MIA3: variants seen among roughly 807,000 people sequenced by gnomAD.
MIA3 encodes MIA SH3 domain ER export factor 3, also known as transport and Golgi organization protein 1 homolog.
A neutral mutation model predicts 192.4 loss-of-function variants in MIA3; 90 were observed. That is an observed-to-expected ratio of 0.47 (90% CI 0.39 to 0.56). The LOEUF is 0.56. Among genes scored for constraint, MIA3 ranks in the 20% least tolerant of loss-of-function variants. MIA3 has a pLI of 0.00. For missense variants in MIA3, 2,123 were observed against 2,269.4 expected, an observed-to-expected ratio of 0.94 and a Z score of 1.31; for synonymous variants, 740 against 792.8, an observed-to-expected ratio of 0.93 and a Z score of 1.12.
At chr1:222,647,909 T>G (rs1361386093) in intron 7 of MIA3, 1 of 377,702 alleles carries the variant, frequency 2.6e-6, no homozygotes, top group African/African-American at 2.1e-5. Context: ...GGAATTATTA[T>G]GTATACAGTA....
intron 2 of MIA3, among the ~76,000 whole-genome samples, chr1:222,623,207 G>A (rs975132806): frequency 1.3e-5 from 2 of 151,844 alleles, no homozygotes; most frequent in Admixed American, 6.6e-5. Flanking sequence ...ACAGTACCTT[G>A]GCAGAAATGA....
intron 18 of MIA3, among the ~76,000 whole-genome samples, chr1:222,655,645 C>T (rs1663678587): frequency 6.6e-6 from 1 of 152,138 alleles, no homozygotes; most frequent in African/African-American, 2.4e-5. Flanking sequence ...TTAGATTTTC[C>T]AGGTTTTGTT....
Position 222,650,279 on chromosome 1 carries a change from TTTC to T in MIA3, c.3632-10_3632-8del. 2 of 1,499,092 alleles carry T rather than the reference TTTC, an allele frequency of 1.3e-6. No homozygotes were observed. The highest frequency in any genetic ancestry group is 1.9e-6 in the Non-Finnish European group (2 of 1,079,840). The allele number at this position is 1,499,092 out of a possible 1,614,324, so 92.9% of individuals were successfully genotyped here. A position where few individuals can be genotyped will look rare whatever the true frequency, so the allele number is the denominator to read the frequency against. ...GTGATCATAATAACCTTATTATTTT[TTTC>T]TTTTTTCAGTCACGGAACAGCAAAT... On this transcript the variant is annotated splice_polypyrimidine_tract_variant and intron_variant, in intron 8 of 27. Coordinates refer to ENST00000344922, the MANE Select transcript of MIA3 (RefSeq NM_198551.4).
At chr1:222,659,872 ACT>A (rs773685862) in intron 22 of MIA3, 32 bp from the exon 23 acceptor site, 9 of 1,601,486 alleles carry the variant, frequency 5.6e-6, no homozygotes, top group Non-Finnish European at 7.7e-6. Flanking sequence ...TTCATATTTA[ACT>A]CTTTCTTAAA....
Position 222,629,024 on chromosome 1 carries a change from A to T in MIA3, c.1804A>T (p.Asn602Tyr), listed in dbSNP as rs1662263272. Residue 602 changes from asparagine (N) to tyrosine (Y), a missense_variant, in exon 4 of 28, where the codon AAT becomes TAT. Physicochemically the swap from Asn to Tyr is moderately radical, Grantham distance 143. This residue lies in a region of MIA3 where 1,357 missense variants were observed against 1,396.1 expected (regional missense o/e 0.97). Coordinates refer to ENST00000344922, the MANE Select transcript of MIA3 (RefSeq NM_198551.4). The stretch of plus-strand genomic sequence containing the variant: ...CAGTGTGGAGGGAGACGCTTTGGTA[A>T]ATGGGGCCAAACTGCACACGCTTTC... ...RDSVEGDALV[N>Y]GAKLHTLSVE... 1.9e-6 allele frequency: 3 copies of T among 1,614,172 alleles called. No homozygotes were observed. Among genetic ancestry groups the T allele is most frequent in the Non-Finnish European group, 2.5e-6 (3 of 1,180,042 alleles).
rs200522371 is a variant in MIA3, at chr1:222,627,645, G to A, written c.425G>A (p.Gly142Glu). ...AATTATAATGTAGAAGAACTTTTAG[G>A]GTTTTTGGAACTGTACAATTCTGCA... ...FHNYNVEELL[G>E]FLELYNSAAT... Residue 142 changes from glycine (G) to glutamate (E), a missense_variant, in exon 4 of 28, where the codon GGG (glycine) becomes GAG (glutamate). By Grantham distance (98) the Gly-to-Glu change is moderately conservative. Around this residue, in one of 3 missense-constraint regions of MIA3, gnomAD observed 1,357 missense variants for 1,396.1 expected, o/e 0.97. Coordinates refer to ENST00000344922, the MANE Select transcript of MIA3 (RefSeq NM_198551.4). 508 of 1,596,908 alleles carry A rather than the reference G, an allele frequency of 3.2e-4. 1 individual carries two copies. The highest frequency in any genetic ancestry group is 8.2e-4 in the Admixed American group (45 of 54,962).
At position 222,624,991 on chromosome 1, in the gene MIA3, T is replaced by C. The variant is rs1662043269; in HGVS notation, c.354+137T>C. The C allele has an allele frequency of 5.7e-6, 3 of 523,462 alleles. No homozygotes were observed. The East Asian group carries it at 1.0e-4, about 18-fold the overall frequency. 32.4% of individuals were successfully genotyped at this position (523,462 alleles called of 1,614,324 possible). A position where few individuals can be genotyped will look rare whatever the true frequency, so the allele number is the denominator to read the frequency against. ...TAGTTATCTAATATATGGAAATAGA[T>C]GTTCTTATATAAGGCTATGTACTCT... is the stretch of plus-strand genomic sequence containing the variant. On this transcript the variant is annotated intron_variant, in intron 3 of 27. Transcript: ENST00000344922.
Position 222,629,477 on chromosome 1 carries a change from C to A in MIA3, c.2257C>A (p.Gln753Lys), listed in dbSNP as rs1182750031. Residue 753 changes from glutamine (Q) to lysine (K), a missense_variant, in exon 4 of 28, where the codon CAG becomes AAG. Physicochemically the swap from Gln to Lys is moderately conservative, Grantham distance 53 (BLOSUM62 1). Transcript: ENST00000344922. ...AAAAAACCCTGGGAATCAGGGCAGG[C>A]AGTTTGATGTTAATCTGCAAGTCCC... ...KEKNPGNQGR[Q>K]FDVNLQVPDR... 1 of 1,614,076 alleles carries A rather than the reference C, an allele frequency of 6.2e-7. No individual in the cohort carries two copies. Among genetic ancestry groups the A allele is most frequent in the Non-Finnish European group, 8.5e-7 (1 of 1,180,022 alleles).
intron 27 of MIA3, among the ~76,000 whole-genome samples, 181 bp downstream of exon 27, chr1:222,664,329 T>A (rs1427168427): frequency 5.3e-5 from 8 of 152,218 alleles, no homozygotes; most frequent in Non-Finnish European, 8.8e-5. Context: ...CTCCTGTGAT[T>A]AGATGGGCAA....
In MIA3 at chr1:222,618,109, A is replaced by G. The variant is rs769599891; in HGVS notation, c.-2A>G. 28 of 1,480,874 alleles carry G rather than the reference A, an allele frequency of 1.9e-5. No homozygotes were observed. The South Asian group carries it at 2.9e-4, about 15-fold the overall frequency. 91.7% of individuals were successfully genotyped at this position (1,480,874 alleles called of 1,614,324 possible). A position where few individuals can be genotyped will look rare whatever the true frequency, so the allele number is the denominator to read the frequency against. ...TCACCGGCTCCCCGAGGTGACCACAACATGGCTGCGGCGCCTGGGCTGCTC... is the reference window on the plus strand; with the variant it reads ...TCACCGGCTCCCCGAGGTGACCACAGCATGGCTGCGGCGCCTGGGCTGCTC... On this transcript the variant is annotated 5_prime_UTR_variant, in exon 1 of 28. Transcript: ENST00000344922.
At position 222,654,686 on chromosome 1, in the gene MIA3, C is replaced by T; in HGVS notation, c.4500C>T (p.Asn1500=). 1 of 1,614,090 alleles carries T rather than the reference C, an allele frequency of 6.2e-7. No homozygotes were observed. The part of the protein sequence containing the change: ...DQVKKLEDDR[N]SLQAAKAGLE... ...TAAAGAAATTGGAAGATGACCGCAA[C>T]TCACTACAAGCTGCCAAAGCTGGAC... The change falls in exon 18 of 28, where the codon AAC becomes AAT. Residue 1500 remains asparagine, a synonymous_variant. Coordinates refer to ENST00000344922, the MANE Select transcript of MIA3 (RefSeq NM_198551.4).
chr1:222,662,525 T>C, intron 26 of MIA3, 193 bp downstream of exon 26: 1 of 1,384,596 alleles, frequency 7.2e-7, no homozygotes, highest in Admixed American at 2.9e-5. Flanking sequence ...GAGCGTCCAG[T>C]AGCAGTAAGT....
chr1:222,664,611 G>A (rs1664186496), intron 27 of MIA3, among the ~76,000 whole-genome samples: 1 of 152,152 alleles, frequency 6.6e-6, no homozygotes, highest in Non-Finnish European at 1.5e-5. Flanking sequence ...ACAAAGAAGG[G>A]AGATATGAAA....
chr1:222,639,396 A>G (rs1203956326), intron 6 of MIA3, among the ~76,000 whole-genome samples: 1 of 152,188 alleles, frequency 6.6e-6, no homozygotes, highest in Non-Finnish European at 1.5e-5. Context: ...AGCTGATGTT[A>G]CCAGGATATC....
rs770655811 is a variant in MIA3, at chr1:222,629,263, A to C, written c.2043A>C (p.Glu681Asp). The change falls in exon 4 of 28, where the codon GAA becomes GAC. Residue 681 changes from glutamate to aspartate, a missense_variant. Transcript: ENST00000344922. Reference sequence around the variant, plus strand: ...AGAAGATAAGGCTCTCTGAGGGAGAAGCCAAAGAGGACTCCTTGGATGAAG... The same window carrying C: ...AGAAGATAAGGCTCTCTGAGGGAGACGCCAAAGAGGACTCCTTGGATGAAG... ...MSEKIRLSEGEAKEDSLDEEF... is the reference protein window; with the variant it reads ...MSEKIRLSEGDAKEDSLDEEF... The C allele has an allele frequency of 6.2e-7, 1 of 1,614,226 alleles. No homozygotes were observed. Among genetic ancestry groups the C allele is most frequent in the Non-Finnish European group, 8.5e-7 (1 of 1,180,040 alleles).
chr1:222,660,365 T>A, intron 24 of MIA3, 51 bp downstream of exon 24: 3 of 1,553,150 alleles, frequency 1.9e-6, no homozygotes, highest in Non-Finnish European at 1.7e-6. Flanking sequence ...GCTTTTTCCC[T>A]TTTATTTGAG....
intron 5 of MIA3, 26 bp downstream of exon 5, chr1:222,632,352 A>G (rs1163573963): frequency 1.3e-6 from 2 of 1,597,432 alleles, no homozygotes; most frequent in Admixed American, 1.8e-5. Flanking sequence ...TTTTTTCTAC[A>G]AAGTGGAGAA....
Position 222,654,394 on chromosome 1 carries a change from G to T in MIA3, c.4383G>T (p.Gln1461His). The T allele has an allele frequency of 6.2e-7, 1 of 1,613,674 alleles. No individual in the cohort carries two copies. Among genetic ancestry groups the T allele is most frequent in the South Asian group, 1.1e-5 (1 of 91,058 alleles). Reference protein sequence around the residue: ...IKQMMDVSRTQTAISVVEEDL... With the variant: ...IKQMMDVSRTHTAISVVEEDL... Reference sequence around the variant, plus strand: ...GTCTCTTCTGCAATTTTTAGACACAGACTGCAATATCGGTAGTTGAAGAGG... The same window carrying T: ...GTCTCTTCTGCAATTTTTAGACACATACTGCAATATCGGTAGTTGAAGAGG... Residue 1461 changes from glutamine (Q) to histidine (H), a missense_variant, in exon 17 of 28, where the codon CAG becomes CAT. By Grantham distance (24) the Gln-to-His change is conservative. Around this residue, in one of 3 missense-constraint regions of MIA3, gnomAD observed 762 missense variants for 856.4 expected, o/e 0.89. Coordinates refer to ENST00000344922, the MANE Select transcript of MIA3 (RefSeq NM_198551.4).
In MIA3 at chr1:222,629,012, G is replaced by A. The variant is rs563113582; in HGVS notation, c.1792G>A (p.Asp598Asn). The A allele has an allele frequency of 4.3e-6, 7 of 1,614,244 alleles. No homozygotes were observed. In the East Asian group the frequency reaches 1.3e-4, roughly 31 times the overall value. Residue 598 changes from aspartate (D) to asparagine (N), a missense_variant, in exon 4 of 28, where the codon GAC becomes AAC. Coordinates refer to ENST00000344922, the MANE Select transcript of MIA3 (RefSeq NM_198551.4). ...PNASRDSVEG[D>N]ALVNGAKLHT... ...CGCATCCAGAGACAGTGTGGAGGGA[G>A]ACGCTTTGGTAAATGGGGCCAAACT...
Sources: gnomAD v4.1 joint callset for allele counts (sites outside exome capture counted in the v4.1 genomes callset) on GRCh38, gnomAD v4.1.1 for gene constraint, gnomAD v4.1.1 regional missense constraint, MANE v1.5 for transcripts, NCBI Gene and HGNC (gene_info 2026-07-23, HGNC 2026-07-21) for gene names.